Variants in CAPN7 observed in about 807,000 individuals in gnomAD.
CAPN7 encodes calpain 7.
In CAPN7, 72 loss-of-function variants were observed where a neutral mutation model predicts 115.2. That is an observed-to-expected ratio of 0.63 (90% confidence interval 0.52 to 0.76). The LOEUF (loss-of-function observed/expected upper bound fraction) is 0.76, where lower values mean the gene tolerates loss of function less well. CAPN7 is among the 30% of genes least tolerant of loss of function. The probability of loss-of-function intolerance (pLI) is 0.00; values close to 1 mark genes in which losing one functional copy is unlikely to be tolerated. For synonymous variants in CAPN7, 344 were observed against 322.3 expected, an observed-to-expected ratio of 1.07 and a Z score of -0.72; for missense variants, 905 against 971.5, an observed-to-expected ratio of 0.93 and a Z score of 0.91.
rs930113737 is a variant in CAPN7, at chr3:15,228,090, T to G, written c.852+125T>G. 6.8e-6 allele frequency: 4 copies of G among 589,398 alleles called. No homozygotes were observed. The African/African-American group carries it at 7.8e-5, about 11-fold the overall frequency. 36.5% of individuals were successfully genotyped at this position (589,398 alleles called of 1,614,324 possible). Reference sequence around the variant, plus strand: ...GGTACAGAAGTGTAATTGGAAAAATTGTTCATTCTACACATTTTGACTGAA... The same window carrying G: ...GGTACAGAAGTGTAATTGGAAAAATGGTTCATTCTACACATTTTGACTGAA... On this transcript the variant is annotated intron_variant, in intron 7 of 20. Transcript: ENST00000253693.
chr3:15,222,621 G>C (rs1446497093), intron 5 of CAPN7, among the ~76,000 whole-genome samples: 1 of 152,104 alleles, frequency 6.6e-6, no homozygotes, highest in East Asian at 1.9e-4. Flanking sequence ...GACAAAGAAG[G>C]GTAGTTTTGA....
At chr3:15,229,403 TAAG>T (rs1464870564) in intron 8 of CAPN7, among the ~76,000 whole-genome samples, 4 of 152,110 alleles carry the variant, frequency 2.6e-5, no homozygotes, top group Admixed American at 1.3e-4. Context: ...TAGTCTGAAT[TAAG>T]AGGAGATGCA....
chr3:15,228,942 A>C, intron 7 of CAPN7, 32 bp from the exon 8 acceptor site: 1 of 1,493,896 alleles, frequency 6.7e-7, no homozygotes, highest in Middle Eastern at 1.7e-4. Context: ...TACGTGAATG[A>C]ATATGAATAT....
At chr3:15,238,922 C>T (rs1351409211) in intron 12 of CAPN7, among the ~76,000 whole-genome samples, 1 of 135,646 alleles carries the variant, frequency 7.4e-6, no homozygotes, top group Non-Finnish European at 1.5e-5. Context: ...CCCATCCAAA[C>T]AAAATCTACA....
At chr3:15,230,961 T>C (rs1694650063) in intron 9 of CAPN7, among the ~76,000 whole-genome samples, 1 of 152,220 alleles carries the variant, frequency 6.6e-6, no homozygotes. Context: ...TAATTTTAAT[T>C]CACACAAATT....
intron 2 of CAPN7, among the ~76,000 whole-genome samples, chr3:15,212,980 T>C (rs1484622516): frequency 6.6e-6 from 1 of 152,214 alleles, no homozygotes; most frequent in Non-Finnish European, 1.5e-5. Context: ...GTAGATTTAA[T>C]CATTGGATTC....
rs773179390 is a variant in CAPN7 at position 15,229,044 on chromosome 3, A to C, written c.923A>C (p.Lys308Thr). Residue 308 changes from lysine (K) to threonine (T), a missense_variant, in exon 8 of 21, where the codon AAG (lysine) becomes ACG (threonine). Lys to Thr is a moderately conservative substitution (Grantham distance 78). Around this residue, in one of 3 missense-constraint regions of CAPN7, gnomAD observed 620 missense variants for 703.4 expected, o/e 0.88. Transcript: ENST00000253693. ...ISAAYERRFN[K>T]KLITGIIYPQ... is the part of the protein sequence containing the mutation. ...GCAGCTTATGAAAGACGTTTTAATAAGAAGTTAATTACCGGGTAAAAATGT... is the reference window on the plus strand; with the variant it reads ...GCAGCTTATGAAAGACGTTTTAATACGAAGTTAATTACCGGGTAAAAATGT... 6.2e-7 allele frequency: 1 copy of C among 1,612,764 alleles called. No individual in the cohort carries two copies. Among genetic ancestry groups the C allele is most frequent in the East Asian group, 2.2e-5 (1 of 44,848 alleles).
intron 17 of CAPN7, 107 bp from the exon 18 acceptor site, chr3:15,246,625 G>T: frequency 1.3e-6 from 1 of 776,516 alleles, no homozygotes; most frequent in South Asian, 1.6e-5. Flanking sequence ...TGCCTATAAT[G>T]ACTTGTGTAT....
chr3:15,227,886 T>A lies in CAPN7; in HGVS notation c.773T>A (p.Phe258Tyr). 1.3e-6 allele frequency: 2 copies of A among 1,549,990 alleles called. No homozygotes were observed. Among genetic ancestry groups the A allele is most frequent in the Non-Finnish European group, 1.7e-6 (2 of 1,146,156 alleles). Residue 258 changes from phenylalanine to tyrosine, a missense_variant, in exon 7 of 21, where the codon TTT becomes TAT. By Grantham distance (22) the Phe-to-Tyr change is conservative (BLOSUM62 3). Transcript: ENST00000253693. ...TTATCACCTAAACAAAAAACTACAT[T>A]TTCCAAGTGGGTACGACCAGAAGAC... ...LPLSPKQKTT[F>Y]SKWVRPEDLT...
intron 4 of CAPN7, among the ~76,000 whole-genome samples, chr3:15,219,207 A>G (rs532673498): frequency 6.8e-4 from 103 of 152,328 alleles, no homozygotes; most frequent in African/African-American, 2.4e-3. Flanking sequence ...AGTGCCTGAC[A>G]TGTAATATGT....
intron 10 of CAPN7, among the ~76,000 whole-genome samples, chr3:15,232,924 T>C (rs114033119): frequency 2.3e-3 from 355 of 152,338 alleles, no homozygotes; most frequent in Non-Finnish European, 3.9e-3. Flanking sequence ...GCAGTCTGTT[T>C]AGATCAAATG....
At chr3:15,245,310 A>G (rs991929666) in intron 16 of CAPN7, among the ~76,000 whole-genome samples, 1 of 152,036 alleles carries the variant, frequency 6.6e-6, no homozygotes, top group Non-Finnish European at 1.5e-5. Flanking sequence ...GTACTATTAT[A>G]CTTCATTGAA....
Position 15,232,418 on chromosome 3 carries a change from C to T in CAPN7, c.1033-101C>T, listed in dbSNP as rs17040883. The T allele has an allele frequency of 2.3e-4, 197 of 857,906 alleles. No individual in the cohort carries two copies. In the East Asian group the frequency reaches 2.4e-3, roughly 11 times the overall value. 53.1% of individuals were successfully genotyped at this position (857,906 alleles called of 1,614,324 possible). A position where few individuals can be genotyped will look rare whatever the true frequency, so the allele number is the denominator to read the frequency against. On this transcript the variant is annotated intron_variant, in intron 9 of 20. Coordinates refer to ENST00000253693, the MANE Select transcript of CAPN7 (RefSeq NM_014296.3). ...CCTTAATAGCCGTCAGCATATTGTGCGTTATATTTTATCAGTATGAAAGGT... is the reference window on the plus strand; with the variant it reads ...CCTTAATAGCCGTCAGCATATTGTGTGTTATATTTTATCAGTATGAAAGGT...
chr3:15,228,740 AAAT>A (rs1213877019), intron 7 of CAPN7, among the ~76,000 whole-genome samples: 1 of 152,172 alleles, frequency 6.6e-6, no homozygotes, highest in Non-Finnish European at 1.5e-5. Flanking sequence ...GGAGCGGAAA[AAAT>A]AACTATTGGG....
At chr3:15,218,937 C>G (rs912449117) in intron 4 of CAPN7, among the ~76,000 whole-genome samples, 4 of 152,200 alleles carry the variant, frequency 2.6e-5, no homozygotes, top group Non-Finnish European at 5.9e-5. Flanking sequence ...GTAGCTCTTT[C>G]ACCTCTTAGC....
intron 1 of CAPN7, among the ~76,000 whole-genome samples, chr3:15,207,681 C>T (rs960835912): frequency 2.7e-5 from 4 of 150,404 alleles, no homozygotes; most frequent in East Asian, 1.9e-4. Context: ...CTAAGGCACA[C>T]GTTAGCCTAG....
At chr3:15,250,544 C>A (rs1695944370) in intron 19 of CAPN7, among the ~76,000 whole-genome samples, 1 of 149,938 alleles carries the variant, frequency 6.7e-6, no homozygotes, top group African/African-American at 2.5e-5. Context: ...CAGTGGCATA[C>A]CCCTGTAGTC....
rs1694872435 is a variant in CAPN7, at chr3:15,234,446, A to G, written c.1286+473A>G. Among the ~76,000 whole-genome samples the G allele has an allele frequency of 2.0e-5, 3 of 152,362 alleles. No individual in the cohort carries two copies. The South Asian group carries it at 6.2e-4, about 32-fold the overall frequency. On this transcript the variant is annotated intron_variant, in intron 11 of 20. Coordinates refer to ENST00000253693, the MANE Select transcript of CAPN7 (RefSeq NM_014296.3). The stretch of plus-strand genomic sequence containing the variant: ...ATAGACTTCACATTATGTACTTCCT[A>G]TAGCCAGTCCTCAGTTATCTTCCCT...
Position 15,206,294 on chromosome 3 carries a change from G to A in CAPN7, c.-202G>A. The A allele has an allele frequency of 2.2e-6, 1 of 460,292 alleles. No homozygotes were observed. The highest frequency in any genetic ancestry group is 3.8e-6 in the Non-Finnish European group (1 of 259,826). 28.5% of individuals were successfully genotyped at this position (460,292 alleles called of 1,614,324 possible). A position where few individuals can be genotyped will look rare whatever the true frequency, so the allele number is the denominator to read the frequency against. On this transcript the variant is annotated 5_prime_UTR_variant, in exon 1 of 21. Transcript: ENST00000253693. The stretch of plus-strand genomic sequence containing the variant: ...GGGGCGGCCGGGTGGGCTACAAGCC[G>A]GGTCTGGGCTGAGGGGCGCGGCTTC...
Sources: gnomAD v4.1 joint callset for allele counts (sites outside exome capture counted in the v4.1 genomes callset) on GRCh38, gnomAD v4.1.1 for gene constraint, gnomAD v4.1.1 regional missense constraint, MANE v1.5 for transcripts, NCBI Gene and HGNC (gene_info 2026-07-23, HGNC 2026-07-21) for gene names.